RFFL: variants seen among roughly 807,000 people sequenced by gnomAD.
RFFL encodes E3 ubiquitin-protein ligase rififylin.
Under a neutral mutation model 40.4 loss-of-function variants are expected in RFFL, and 16 were observed. The ratio of observed to expected loss-of-function variants is 0.40; its 90% CI spans 0.27 to 0.60. RFFL has a LOEUF of 0.60. Among genes scored for constraint, RFFL ranks in the 20% least tolerant of loss-of-function variants. The pLI, the probability that RFFL is intolerant of heterozygous loss-of-function variation, is 0.47. For synonymous variants in RFFL, 154 were observed against 167.9 expected (o/e 0.92, Z 0.64); for missense variants, 367 against 451.7 (o/e 0.81, Z 1.70).
chr17:35,082,929 G>A (rs538822144), intron 1 of RFFL, among the ~76,000 whole-genome samples: 4 of 152,248 alleles, frequency 2.6e-5, no homozygotes, highest in South Asian at 2.1e-4. Context: ...AACAAACTAC[G>A]TTAGGGATAA....
intron 1 of RFFL, among the ~76,000 whole-genome samples, chr17:35,035,486 A>G (rs2091115139): frequency 6.6e-6 from 1 of 151,806 alleles, no homozygotes; most frequent in South Asian, 2.1e-4. Flanking sequence ...TATGCTAGGA[A>G]TATACATATG....
upstream of RFFL, among the ~76,000 whole-genome samples, chr17:35,067,837 A>G (rs1035745340): frequency 1.3e-5 from 2 of 152,274 alleles, no homozygotes; most frequent in East Asian, 3.9e-4. Context: ...CACTGTTTAG[A>G]GTAAAATGAA....
At chr17:35,056,888 A>G (rs925118496) in intron 1 of RFFL, among the ~76,000 whole-genome samples, 2 of 149,838 alleles carry the variant, frequency 1.3e-5, no homozygotes, top group East Asian at 1.9e-4. Flanking sequence ...TAAGCCTTCA[A>G]TGGTGTCCCA....
chr17:35,063,122 GATTT>G (rs1237500083), intron 1 of RFFL, among the ~76,000 whole-genome samples: 1 of 152,150 alleles, frequency 6.6e-6, no homozygotes, highest in East Asian at 1.9e-4. Context: ...TATAATCAGT[GATTT>G]AATTGGACCT....
At chr17:35,052,314 A>G (rs1456782771) in intron 1 of RFFL, among the ~76,000 whole-genome samples, 1 of 152,204 alleles carries the variant, frequency 6.6e-6, no homozygotes, top group African/African-American at 2.4e-5. Context: ...ACAAATTTTA[A>G]GTACTGTTCT....
intron 1 of RFFL, among the ~76,000 whole-genome samples, chr17:35,080,388 T>A (rs1308377942): frequency 6.6e-6 from 1 of 151,970 alleles, no homozygotes; most frequent in African/African-American, 2.4e-5. Flanking sequence ...ATGCAGAGGG[T>A]AGGGCACATA....
chr17:35,062,043 A>G (rs1250706323), intron 1 of RFFL, among the ~76,000 whole-genome samples: 1 of 152,100 alleles, frequency 6.6e-6, no homozygotes, highest in East Asian at 1.9e-4. Flanking sequence ...AATGAAGAAA[A>G]GCCACACATC....
rs145336763 is a variant in RFFL, at chr17:35,011,974, C to T, written c.1086G>A (p.Arg362=). ...AAGAAACCGATGCAAGCTCTCAGGA[C>T]CGGAAGACATGCACAGCTCGGATTA... ...QYVIRAVHVF[R]S Residue 362 remains arginine (R), a synonymous_variant, in exon 7 of 7, where the codon CGG becomes CGA. Coordinates refer to ENST00000394597, the MANE Select transcript of RFFL (RefSeq NM_001017368.2). 2.5e-6 allele frequency: 4 copies of T among 1,613,726 alleles called. No homozygotes were observed. In the African/African-American group the frequency reaches 5.3e-5, roughly 22 times the overall value.
rs1430507510 is a variant in RFFL at position 35,011,045 on chromosome 17, T to C, written c.*923A>G. ...AAAACTACCATGGATAAGGGAGGGA[T>C]TTCATTTTCAGCGAAAAGTGGCTTA... is the stretch of plus-strand genomic sequence containing the variant. On this transcript the variant is annotated 3_prime_UTR_variant, in exon 7 of 7. Transcript: ENST00000394597. 2 of 152,208 alleles carry C rather than the reference T, an allele frequency of 1.3e-5. No homozygotes were observed. The highest frequency in any genetic ancestry group is 2.9e-5 in the Non-Finnish European group (2 of 68,050). 9.4% of individuals were successfully genotyped at this position (152,208 alleles called of 1,614,324 possible). A position where few individuals can be genotyped will look rare whatever the true frequency, so the allele number is the denominator to read the frequency against.
intron 1 of RFFL, among the ~76,000 whole-genome samples, chr17:35,057,234 G>A (rs943240261): frequency 4.6e-5 from 7 of 151,788 alleles, no homozygotes; most frequent in Middle Eastern, 3.2e-3. Context: ...ACACTTTTGA[G>A]TGAAGGCTAG....
intron 5 of RFFL, 44 bp from the exon 6 acceptor site, chr17:35,014,807 G>A: frequency 6.3e-7 from 1 of 1,588,234 alleles, no homozygotes; most frequent in Non-Finnish European, 8.6e-7. Context: ...AAGGCATGAT[G>A]GTACAAATAC....
intron 6 of RFFL, among the ~76,000 whole-genome samples, chr17:35,012,522 C>T (rs1318743292): frequency 1.3e-5 from 2 of 152,110 alleles, no homozygotes; most frequent in South Asian, 2.1e-4. Flanking sequence ...GACTCATTAT[C>T]CCCTGAGGCA....
At chr17:35,087,871 A>G (rs2091438670) in intron 1 of RFFL, among the ~76,000 whole-genome samples, 1 of 152,240 alleles carries the variant, frequency 6.6e-6, no homozygotes, top group African/African-American at 2.4e-5. Flanking sequence ...AGAAAAGGAT[A>G]AAGAAGTTGT....
At chr17:35,061,080 G>C (rs2091288468) in intron 1 of RFFL, among the ~76,000 whole-genome samples, 2 of 152,156 alleles carry the variant, frequency 1.3e-5, no homozygotes, top group Admixed American at 1.3e-4. Flanking sequence ...GAAATGGCCA[G>C]GGGAGAGGGA....
upstream of RFFL, among the ~76,000 whole-genome samples, chr17:35,064,415 G>A (rs1176815229): frequency 6.6e-6 from 1 of 151,970 alleles, no homozygotes; most frequent in Admixed American, 6.6e-5. Context: ...TCTGAAAAGA[G>A]ACATCCCTAA....
At chr17:35,022,470 T>G (rs2091015049) in intron 2 of RFFL, among the ~76,000 whole-genome samples, 1 of 152,216 alleles carries the variant, frequency 6.6e-6, no homozygotes, top group South Asian at 2.1e-4. Flanking sequence ...AAAGCGACAT[T>G]GCAAAGTAGG....
At chr17:35,056,938 G>GA (rs112804046) in intron 1 of RFFL, among the ~76,000 whole-genome samples, 3,750 of 149,408 alleles carry the variant, frequency 0.025, 159 homozygotes, top group African/African-American at 0.087. Context: ...TTTTGAGACA[G>GA]AGTTTTCACT....
chr17:35,084,450 C>T (rs530849753), intron 1 of RFFL, among the ~76,000 whole-genome samples: 54 of 151,682 alleles, frequency 3.6e-4, no homozygotes, highest in Non-Finnish European at 6.9e-4. Context: ...AAAAATTAGC[C>T]GGGTGTGGTG....
intron 1 of RFFL, among the ~76,000 whole-genome samples, chr17:35,086,925 G>A (rs935570150): frequency 6.6e-6 from 1 of 152,182 alleles, no homozygotes; most frequent in Admixed American, 6.5e-5. Flanking sequence ...TAGGCATGAC[G>A]CTCATAGAGA....
Sources: gnomAD v4.1 joint callset for allele counts (sites outside exome capture counted in the v4.1 genomes callset) on GRCh38, gnomAD v4.1.1 for gene constraint, MANE v1.5 for transcripts, NCBI Gene and HGNC (gene_info 2026-07-23, HGNC 2026-07-21) for gene names.